The following NBPF15 variants were observed in gnomAD, a reference collection of about 807,000 sequenced individuals.
NBPF15 encodes the protein NBPF family member NBPF15.
A neutral mutation model predicts 62.2 loss-of-function variants in NBPF15; 74 were observed. The ratio of observed to expected loss-of-function variants is 1.19; its 90% confidence interval spans 0.99 to 1.44. NBPF15 has a LOEUF of 1.44. Ranked by LOEUF, NBPF15 falls within the 40% of genes most tolerant of loss-of-function variation. The pLI is 0.00. For missense variants in NBPF15, 790 were observed against 550.0 expected (o/e 1.44, Z -4.36); for synonymous variants, 244 against 209.7 (o/e 1.16, Z -1.41).
chr1:144,439,490 G>T (rs1301265723), intron 8 of NBPF15, among the ~76,000 whole-genome samples: 1 of 152,024 alleles, frequency 6.6e-6, no homozygotes, highest in African/African-American at 2.4e-5. Context: ...CAACAGACTA[G>T]ATGTTATTTG....
chr1:144,452,466 C>T (rs1183837559), intron 4 of NBPF15, among the ~76,000 whole-genome samples: 75 of 151,640 alleles, frequency 4.9e-4, no homozygotes, highest in African/African-American at 1.7e-3. Context: ...ATGAAGTCTG[C>T]TTTCCAAATA....
intron 20 of NBPF15, 66 bp downstream of exon 20, chr1:144,424,624 G>A (rs1203808433): frequency 7.6e-6 from 5 of 656,290 alleles, no homozygotes; most frequent in African/African-American, 3.6e-5. Flanking sequence ...GCCAATTGGA[G>A]CAGGAATATG....
intron 6 of NBPF15, among the ~76,000 whole-genome samples, chr1:144,445,348 TATATATACAC>T (rs1264617468): frequency 0.06 from 7,796 of 129,754 alleles, 635 homozygotes; most frequent in African/African-American, 0.18. Flanking sequence ...TATATATATA[TATATATACAC>T]ACACACACAC....
intron 13 of NBPF15, among the ~76,000 whole-genome samples, chr1:144,431,658 A>G (rs1162306955): frequency 2.1e-5 from 2 of 93,392 alleles, no homozygotes; most frequent in Non-Finnish European, 4.1e-5. Flanking sequence ...CCACCCTACA[A>G]CAGGCCCCAG....
rs1221941773 is a variant in NBPF15 at position 144,450,382 on chromosome 1, G to A, written c.-333+390C>T. On this transcript the variant is annotated intron_variant, in intron 5 of 21. Coordinates refer to ENST00000581897, the MANE Select transcript of NBPF15 (RefSeq NM_001385408.1). ...AACAGACAGGTAAGGAGGAAAGCACGTGGCCTCTGGAGTCAGAGTGTCTCC... is the reference window on the plus strand; with the variant it reads ...AACAGACAGGTAAGGAGGAAAGCACATGGCCTCTGGAGTCAGAGTGTCTCC... 1.1e-4 allele frequency among the ~76,000 whole-genome samples: 17 copies of A among 151,774 alleles called. 1 individual carries two copies. The highest frequency in any genetic ancestry group is 7.7e-4 in the East Asian group (4 of 5,178).
At chr1:144,455,120 G>A (rs1693612624) in intron 4 of NBPF15, among the ~76,000 whole-genome samples, 3 of 146,104 alleles carry the variant, frequency 2.1e-5, no homozygotes, top group African/African-American at 7.6e-5. Flanking sequence ...AGGAAGGGAG[G>A]GAGGAAGGGA....
chr1:144,442,007 G>C (rs1683234066), intron 6 of NBPF15, among the ~76,000 whole-genome samples: 1 of 147,606 alleles, frequency 6.8e-6, no homozygotes, highest in Non-Finnish European at 1.5e-5. Flanking sequence ...ACCAGGGCCT[G>C]TCATGGGGTG....
intron 4 of NBPF15, among the ~76,000 whole-genome samples, chr1:144,451,254 T>G (rs1439277409): frequency 3.9e-5 from 6 of 151,996 alleles, no homozygotes. Context: ...AAGAGCAGTA[T>G]TGCTGCCAGC....
intron 6 of NBPF15, among the ~76,000 whole-genome samples, chr1:144,441,518 G>A (rs1159658418): frequency 6.7e-6 from 1 of 149,132 alleles, no homozygotes; most frequent in Non-Finnish European, 1.5e-5. Flanking sequence ...TATTTTGAAT[G>A]AGTCCATTTA....
chr1:144,446,292 A>T (rs1252240403), intron 6 of NBPF15, among the ~76,000 whole-genome samples: 1 of 147,360 alleles, frequency 6.8e-6, no homozygotes, highest in Non-Finnish European at 1.5e-5. Flanking sequence ...ACATTCTGCA[A>T]CACTACTAAA....
At position 144,427,887 on chromosome 1, in the gene NBPF15, A is replaced by T; in HGVS notation, c.1144T>A (p.Cys382Ser). Reference protein sequence around the residue: ...PSGCLELTDSCQPYRSAFYVL... With the variant: ...PSGCLELTDSSQPYRSAFYVL... ...TAAAAGGCACTTCTGTAGGGCTGGC[A>T]TGAGTCAGTCAGTTCAAGACAACCT... is the stretch of plus-strand genomic sequence containing the variant. The change falls in exon 16 of 22, where the codon TGC becomes AGC. Residue 382 changes from cysteine (C) to serine (S), a missense_variant. Transcript: ENST00000581897. 1.6e-6 allele frequency: 1 copy of T among 642,362 alleles called. No homozygotes were observed. Among genetic ancestry groups the T allele is most frequent in the Non-Finnish European group, 2.8e-6 (1 of 357,538 alleles). 39.8% of individuals were successfully genotyped at this position (642,362 alleles called of 1,614,324 possible).
At chr1:144,445,757 G>T (rs1389864529) in intron 6 of NBPF15, among the ~76,000 whole-genome samples, 5 of 149,520 alleles carry the variant, frequency 3.3e-5, no homozygotes, top group Admixed American at 6.7e-5. Flanking sequence ...CCATGACAAG[G>T]TTTATCTCCC....
In NBPF15 at chr1:144,439,546, T is replaced by C. The variant is rs1681293466; in HGVS notation, c.175+283A>G. On this transcript the variant is annotated intron_variant, in intron 8 of 21. Coordinates refer to ENST00000581897, the MANE Select transcript of NBPF15 (RefSeq NM_001385408.1). ...ACAGAGAGGATTCTTGAAAACATGA[T>C]TGAGCCTCTTGGAGAAAACAGGTCA... Among the ~76,000 whole-genome samples the C allele has an allele frequency of 3.9e-5, 6 of 152,116 alleles. No individual in the cohort carries two copies. The South Asian group carries it at 1.2e-3, about 32-fold the overall frequency.
intron 13 of NBPF15, among the ~76,000 whole-genome samples, chr1:144,432,333 G>T (rs1264066467): frequency 6.6e-6 from 1 of 151,760 alleles, no homozygotes. Flanking sequence ...AGGAACAACC[G>T]GTACCAGCCA....
chr1:144,428,081 T>A, intron 15 of NBPF15, 91 bp from the exon 16 acceptor site: 1 of 758,870 alleles, frequency 1.3e-6, no homozygotes, highest in South Asian at 1.4e-5. Context: ...TAAGGAAGAG[T>A]TTGAAAAGAA....
chr1:144,445,270 G>GTGTATATATA (rs1553543714), intron 6 of NBPF15, among the ~76,000 whole-genome samples: 1 of 105,014 alleles, frequency 9.5e-6, no homozygotes, highest in African/African-American at 3.6e-5. Context: ...GTCTGTATAT[G>GTGTATATATA]TATATATATA....
chr1:144,461,331 G>A (rs1359266476), intron 1 of NBPF15, 50 bp downstream of exon 1: 4 of 147,850 alleles, frequency 2.7e-5, no homozygotes, highest in African/African-American at 7.5e-5. Context: ...AACAAAACTT[G>A]CGACAGCCGC....
At position 144,422,921 on chromosome 1, in the gene NBPF15, G is replaced by T; in HGVS notation, c.*92C>A. 1.9e-6 allele frequency: 3 copies of T among 1,610,788 alleles called. No individual in the cohort carries two copies. The highest frequency in any genetic ancestry group is 2.5e-6 in the Non-Finnish European group (3 of 1,179,238). ...GCTCACTGACCCATCCTATGTCTGG[G>T]CTTCCAAATGGAACTGTACTTTCAT... On this transcript the variant is annotated 3_prime_UTR_variant, in exon 22 of 22. Coordinates refer to ENST00000581897, the MANE Select transcript of NBPF15 (RefSeq NM_001385408.1).
Position 144,427,973 on chromosome 1 carries a change from A to G in NBPF15, c.1058T>C (p.Leu353Pro), listed in dbSNP as rs1287901405. ...ATGPRLSRELLDEKEPEVLQD... is the reference protein window; with the variant it reads ...ATGPRLSRELPDEKEPEVLQD... ...CAAGACTTCAGGCTCTTTCTCATCC[A>G]GCAGCTCCCTGCTGAGCCTGGAAAA... Residue 353 changes from leucine (L) to proline (P), a missense_variant, in exon 16 of 22, where the codon CTG (leucine) becomes CCG (proline). Physicochemically the swap from Leu to Pro is moderately conservative, Grantham distance 98. Coordinates refer to ENST00000581897, the MANE Select transcript of NBPF15 (RefSeq NM_001385408.1). The G allele has an allele frequency of 6.4e-6, 5 of 775,768 alleles. No individual in the cohort carries two copies. The highest frequency in any genetic ancestry group is 7.1e-4 in the Middle Eastern group (2 of 2,826). 48.1% of individuals were successfully genotyped at this position (775,768 alleles called of 1,614,324 possible).
Sources: gnomAD v4.1 joint callset for allele counts (sites outside exome capture counted in the v4.1 genomes callset) on GRCh38, gnomAD v4.1.1 for gene constraint, MANE v1.5 for transcripts, NCBI Gene and HGNC (gene_info 2026-07-23, HGNC 2026-07-21) for gene names.